Variants in FAHD2B observed in about 807,000 individuals in gnomAD.
FAHD2B encodes oxaloacetate tautomerase FAHD2B, mitochondrial.
FAHD2B carries 26 observed loss-of-function variants against 33.7 expected under a neutral mutation model. That is an observed-to-expected ratio of 0.77 (90% CI 0.57 to 1.07). The LOEUF (loss-of-function observed/expected upper bound fraction) is 1.07, where lower values mean the gene tolerates loss of function less well. Among genes scored for constraint, FAHD2B ranks in the 50% least tolerant of loss-of-function variants. FAHD2B has a pLI of 0.00. For synonymous variants in FAHD2B, 108 were observed against 150.9 expected, an observed-to-expected ratio of 0.72 and a Z score of 2.08; for missense variants, 272 against 388.1, an observed-to-expected ratio of 0.70 and a Z score of 2.51.
chr2:97,081,057 T>C, downstream of FAHD2B: 2 of 1,480,714 alleles, frequency 1.4e-6, no homozygotes, highest in Non-Finnish European at 1.8e-6. Context: ...TGTGCAGTGG[T>C]GAAGGGAACG....
downstream of FAHD2B, chr2:97,082,722 T>G (rs888115926): frequency 3.8e-6 from 6 of 1,585,092 alleles, no homozygotes; most frequent in African/African-American, 5.4e-5. Context: ...ACCCAAAGCT[T>G]GCCATCAGTG....
downstream of FAHD2B, chr2:97,082,144 G>A (rs1393597372): frequency 6.4e-7 from 1 of 1,563,076 alleles, no homozygotes; most frequent in African/African-American, 1.5e-5. Context: ...CCTGGAGGGA[G>A]GTGGTAGGGA....
downstream of FAHD2B, chr2:97,082,345 G>C: frequency 6.2e-7 from 1 of 1,607,552 alleles, no homozygotes; most frequent in East Asian, 2.2e-5. Context: ...TGCAGTCCTC[G>C]AGGCAGGCTG....
At chr2:97,087,286 C>T (rs891130276) in intron 4 of FAHD2B, among the ~76,000 whole-genome samples, 58 of 152,156 alleles carry the variant, frequency 3.8e-4, no homozygotes, top group Middle Eastern at 3.4e-3. Context: ...CTCCTGAACT[C>T]GTGATCTGCC....
intron 8 of FAHD2B, 53 bp downstream of exon 8, chr2:97,083,895 C>G: frequency 6.2e-7 from 1 of 1,614,030 alleles, no homozygotes; most frequent in Non-Finnish European, 8.5e-7. Flanking sequence ...AAGTCTGAGC[C>G]AAGCCTGCCA....
downstream of FAHD2B, chr2:97,083,067 G>A (rs1439027732): frequency 7.7e-6 from 11 of 1,420,368 alleles, no homozygotes; most frequent in Middle Eastern, 2.4e-4. Context: ...GTTTCTGGGG[G>A]ACAGGCCTGG....
intron 6 of FAHD2B, 89 bp from the exon 7 acceptor site, chr2:97,084,366 T>G (rs1467939740): frequency 1.3e-6 from 2 of 1,506,240 alleles, no homozygotes; most frequent in African/African-American, 2.8e-5. Flanking sequence ...GGGCGCTTCG[T>G]GACTTGGCAG....
intron 2 of FAHD2B, 75 bp from the exon 3 acceptor site, chr2:97,091,787 C>G: frequency 6.5e-7 from 1 of 1,541,150 alleles, no homozygotes; most frequent in Non-Finnish European, 8.7e-7. Flanking sequence ...ATTCCTAGGG[C>G]TATAGCCCAA....
downstream of FAHD2B, chr2:97,083,200 G>A (rs2031723019): frequency 3.1e-6 from 5 of 1,607,784 alleles, no homozygotes; most frequent in African/African-American, 6.7e-5. Context: ...CCCTACTTTT[G>A]CCAGCCAGGA....
chr2:97,083,616 G>C lies in FAHD2B; in HGVS notation c.*139C>G, dbSNP rs2031747643. 26 of 1,378,676 alleles carry C rather than the reference G, an allele frequency of 1.9e-5. No individual in the cohort carries two copies. In the East Asian group the frequency reaches 6.0e-4, roughly 32 times the overall value. The allele number at this position is 1,378,676 out of a possible 1,614,324, so 85.4% of individuals were successfully genotyped here. On this transcript the variant is annotated 3_prime_UTR_variant, in exon 9 of 9. Transcript: ENST00000414820. The stretch of plus-strand genomic sequence containing the variant: ...TGACCCGACGCATTTATTGAAGAGA[G>C]CTCTGTCCTTCTCCCTTCTACCGAG...
downstream of FAHD2B, chr2:97,081,360 G>A (rs1315635833): frequency 1.1e-5 from 18 of 1,568,676 alleles, no homozygotes; most frequent in Non-Finnish European, 1.5e-5. Flanking sequence ...GGTAGGTCTG[G>A]CCTTGCCCGG....
chr2:97,083,280 G>A, downstream of FAHD2B: 1 of 1,602,320 alleles, frequency 6.2e-7, no homozygotes. Context: ...AGGAGCCTGT[G>A]CTGAGACTTC....
chr2:97,091,311 T>A, intron 3 of FAHD2B, 151 bp downstream of exon 3: 1 of 1,155,698 alleles, frequency 8.7e-7, no homozygotes, highest in South Asian at 1.7e-5. Flanking sequence ...GTAAGATTTC[T>A]AAGGATCTTT....
chr2:97,084,956 G>A (rs2924049), intron 6 of FAHD2B, among the ~76,000 whole-genome samples: 1 of 151,474 alleles, frequency 6.6e-6, no homozygotes, highest in Non-Finnish European at 1.5e-5. Context: ...CAGTGAGGCA[G>A]TGGTTCTAGC....
Position 97,083,992 on chromosome 2 carries a change from G to T in FAHD2B, c.838C>A (p.Pro280Thr). ...YPGDVILTGT[P>T]PGVGVFRKPP... ...TTCCTGAATACACCGACACCTGGGGGGGTCCCAGTTAGGATGACATCCCCT... is the reference window on the plus strand; with the variant it reads ...TTCCTGAATACACCGACACCTGGGGTGGTCCCAGTTAGGATGACATCCCCT... Residue 280 changes from proline to threonine, a missense_variant, in exon 8 of 9, where the codon CCC becomes ACC. Physicochemically the swap from Pro to Thr is conservative, Grantham distance 38. Coordinates refer to ENST00000414820, the MANE Select transcript of FAHD2B (RefSeq NM_001320848.2). 1 of 1,613,838 alleles carries T rather than the reference G, an allele frequency of 6.2e-7. No homozygotes were observed. Among genetic ancestry groups the T allele is most frequent in the Non-Finnish European group, 8.5e-7 (1 of 1,179,992 alleles).
chr2:97,082,427 G>C (rs1168052125), downstream of FAHD2B: 1 of 1,613,634 alleles, frequency 6.2e-7, no homozygotes, highest in East Asian at 2.2e-5. Context: ...AGCTGTTCCA[G>C]TTCCTGCAGG....
Position 97,091,658 on chromosome 2 carries a change from G to A in FAHD2B, c.49C>T (p.Gln17Ter). The A allele has an allele frequency of 6.2e-7, 1 of 1,613,772 alleles. No homozygotes were observed. Among genetic ancestry groups the A allele is most frequent in the Non-Finnish European group, 8.5e-7 (1 of 1,179,896 alleles). Reference sequence around the variant, plus strand: ...CTGGAGGGTTGAAAGGGCCACTTCTGAGCCTGCAGCAGAGCTGTGAGTAAT... The same window carrying A: ...CTGGAGGGTTGAAAGGGCCACTTCTAAGCCTGCAGCAGAGCTGTGAGTAAT... The part of the protein sequence containing the change: ...RRLLTALLQA[Q>*]KWPFQPSRDM... The change falls in exon 3 of 9, where the codon CAG becomes TAG. Residue 17 changes from glutamine (Q) to a stop codon, truncating the protein, a stop_gained. Coordinates refer to ENST00000414820, the MANE Select transcript of FAHD2B (RefSeq NM_001320848.2). LOFTEE classifies it high-confidence loss of function.
At chr2:97,089,617 A>T (rs541549469) in intron 4 of FAHD2B, 1 of 155,302 alleles carries the variant, frequency 6.4e-6, no homozygotes, top group Admixed American at 6.3e-5. Context: ...ATAGAAACCA[A>T]AAACTGGAAA....
At chr2:97,085,674 C>G in intron 6 of FAHD2B, 25 bp downstream of exon 6, 1 of 1,613,244 alleles carries the variant, frequency 6.2e-7, no homozygotes, top group Non-Finnish European at 8.5e-7. Context: ...TGGTAGGTAC[C>G]AGGGGGCAGG....
Sources: gnomAD v4.1 joint callset for allele counts (sites outside exome capture counted in the v4.1 genomes callset) on GRCh38, gnomAD v4.1.1 for gene constraint, MANE v1.5 for transcripts, NCBI Gene and HGNC (gene_info 2026-07-23, HGNC 2026-07-21) for gene names.